The following SNX27 variants were observed in gnomAD, a reference collection of about 807,000 sequenced individuals.
SNX27 encodes the protein sorting nexin 27, also known as sorting nexin-27.
In SNX27, 22 loss-of-function variants were observed where a neutral mutation model predicts 71.6. The ratio of observed to expected loss-of-function variants is 0.31; its 90% CI spans 0.22 to 0.44. The LOEUF is 0.44. SNX27 is among the 20% of genes least tolerant of loss of function. SNX27 has a pLI of 1.00. For synonymous variants in SNX27, 269 were observed against 277.2 expected, an observed-to-expected ratio of 0.97 and a Z score of 0.29; for missense variants, 531 against 698.6, an observed-to-expected ratio of 0.76 and a Z score of 2.70.
intron 11 of SNX27, chr1:151,693,733 C>G: frequency 1.2e-5 from 19 of 1,587,090 alleles, no homozygotes; most frequent in Non-Finnish European, 1.5e-5. Context: ...ACAGGCTCTT[C>G]CATCTCTCAT....
chr1:151,683,918 C>T (rs1671077595), intron 8 of SNX27, among the ~76,000 whole-genome samples: 1 of 152,158 alleles, frequency 6.6e-6, no homozygotes, highest in East Asian at 1.9e-4. Flanking sequence ...CCACCTGCCT[C>T]GACCTCCCAA....
intron 2 of SNX27, among the ~76,000 whole-genome samples, chr1:151,641,770 T>C (rs1668768148): frequency 2.4e-5 from 2 of 83,308 alleles, no homozygotes; most frequent in Non-Finnish European, 6.0e-5. Flanking sequence ...ATATATGCTA[T>C]ATATATCTGA....
At chr1:151,613,773 G>A (rs565247878) in intron 1 of SNX27, among the ~76,000 whole-genome samples, 1 of 152,082 alleles carries the variant, frequency 6.6e-6, no homozygotes, top group Non-Finnish European at 1.5e-5. Flanking sequence ...AATTCGGATA[G>A]TGATTGCCGG....
rs1669793783 is a variant in SNX27 at position 151,658,368 on chromosome 1, C to T, written c.677C>T (p.Ser226Leu). Residue 226 changes from serine to leucine, a missense_variant, in exon 3 of 12, where the codon TCA becomes TTA. Around this residue, in one of 5 missense-constraint regions of SNX27, gnomAD observed 184 missense variants for 289.6 expected, o/e 0.64. Transcript: ENST00000458013. ...FPRLPGKWPF[S>L]LSEQQLDARR... ...CGACTCCCAGGGAAGTGGCCATTTT[C>T]ATTATCAGAACAACAATTAGATGCC... The T allele has an allele frequency of 6.2e-7, 1 of 1,613,994 alleles. No individual in the cohort carries two copies. The highest frequency in any genetic ancestry group is 1.3e-5 in the African/African-American group (1 of 74,898).
chr1:151,683,385 C>A lies in SNX27; in HGVS notation c.1179C>A (p.Ile393=). 6.2e-7 allele frequency: 1 copy of A among 1,613,662 alleles called. No individual in the cohort carries two copies. The highest frequency in any genetic ancestry group is 1.1e-5 in the South Asian group (1 of 90,968). ...TCGATGATGTGAAGAAAGGTTACAT[C>A]AAAGCAGAAGAAAAGTCCTATCAAT... is the stretch of plus-strand genomic sequence containing the variant. ...QAVDDVKKGY[I]KAEEKSYQLQ... The change falls in exon 8 of 12, where the codon ATC becomes ATA. Residue 393 remains isoleucine (I), a synonymous_variant. Transcript: ENST00000458013.
At chr1:151,663,287 A>G (rs1214783148) in intron 5 of SNX27, among the ~76,000 whole-genome samples, 2 of 151,562 alleles carry the variant, frequency 1.3e-5, no homozygotes, top group African/African-American at 4.9e-5. Context: ...AGCAGCTGGG[A>G]CTACAGGCGC....
intron 8 of SNX27, among the ~76,000 whole-genome samples, chr1:151,687,076 A>G (rs183138911): frequency 4.6e-5 from 7 of 152,306 alleles, no homozygotes; most frequent in Admixed American, 1.3e-4. Context: ...TCAAATTTGG[A>G]TGGTTGAGAA....
intron 1 of SNX27, among the ~76,000 whole-genome samples, chr1:151,620,750 C>T (rs1427777486): frequency 1.3e-5 from 2 of 148,802 alleles, no homozygotes; most frequent in Non-Finnish European, 3.0e-5. Flanking sequence ...AGAGCAGTGG[C>T]ACGATCTCGG....
intron 2 of SNX27, among the ~76,000 whole-genome samples, chr1:151,652,073 C>T (rs959451030): frequency 9.5e-4 from 144 of 151,306 alleles, no homozygotes; most frequent in African/African-American, 3.0e-3. Flanking sequence ...AGCCTGCAAT[C>T]GCAGGCACTC....
chr1:151,664,940 A>G (rs1001344354), intron 5 of SNX27, among the ~76,000 whole-genome samples: 1 of 152,190 alleles, frequency 6.6e-6, no homozygotes, highest in African/African-American at 2.4e-5. Context: ...TTTAATTTCT[A>G]TCCAGTGCAA....
chr1:151,612,101 G>GGCGC lies in SNX27; in HGVS notation c.-95_-92dup. ...AGTCGGTCCCGCGGCCGGCGGATCG[G>GGCGC]GCGCGCGCGTCGGGGGTCGTCCGGC... On this transcript the variant is annotated 5_prime_UTR_variant, in exon 1 of 12. Transcript: ENST00000458013. This position sits in a 1 kb window ranked among gnomAD's most constrained non-coding sequence, Gnocchi z 5.2. The GGCGC allele has an allele frequency of 3.3e-6, 4 of 1,214,064 alleles. No individual in the cohort carries two copies. In the East Asian group the frequency reaches 1.3e-4, roughly 39 times the overall value. The allele number at this position is 1,214,064 out of a possible 1,614,324, so 75.2% of individuals were successfully genotyped here.
At chr1:151,614,498 T>C (rs771647823) in intron 1 of SNX27, 12 of 152,204 alleles carry the variant, frequency 7.9e-5, no homozygotes, top group Non-Finnish European at 1.6e-4. Flanking sequence ...TAATTTTGTA[T>C]TTTTAGTAGA....
intron 2 of SNX27, among the ~76,000 whole-genome samples, chr1:151,652,296 T>G (rs1195169531): frequency 1.3e-5 from 2 of 152,038 alleles, no homozygotes; most frequent in East Asian, 3.9e-4. Context: ...ATTTTTCTCT[T>G]TAGATAATTT....
intron 7 of SNX27, among the ~76,000 whole-genome samples, chr1:151,683,042 AC>A (rs1367713001): frequency 1.3e-5 from 2 of 151,982 alleles, no homozygotes; most frequent in African/African-American, 4.8e-5. Context: ...CTCAAAACAA[AC>A]AAAAAAACCC....
At chr1:151,680,898 C>T (rs913861997) in intron 7 of SNX27, among the ~76,000 whole-genome samples, 1 of 152,140 alleles carries the variant, frequency 6.6e-6, no homozygotes, top group African/African-American at 2.4e-5. Flanking sequence ...GACATTGCAT[C>T]GTGGTTCTTC....
At chr1:151,637,562 T>A (rs192442385) in intron 1 of SNX27, among the ~76,000 whole-genome samples, 1 of 152,342 alleles carries the variant, frequency 6.6e-6, no homozygotes, top group Non-Finnish European at 1.5e-5. Context: ...TTTATTTTTT[T>A]CTATAGCTAG....
chr1:151,612,253 G>A lies in SNX27; in HGVS notation c.52G>A (p.Gly18Arg). 1 of 1,443,062 alleles carries A rather than the reference G, an allele frequency of 6.9e-7. No homozygotes were observed. Among genetic ancestry groups the A allele is most frequent in the Non-Finnish European group, 9.1e-7 (1 of 1,101,016 alleles). The allele number at this position is 1,443,062 out of a possible 1,614,324, so 89.4% of individuals were successfully genotyped here. A position where few individuals can be genotyped will look rare whatever the true frequency, so the allele number is the denominator to read the frequency against. Residue 18 changes from glycine (G) to arginine (R), a missense_variant, in exon 1 of 12, where the codon GGA becomes AGA. This residue lies in a region of SNX27 where 130 missense variants were observed against 143.5 expected (regional missense o/e 0.91). Coordinates refer to ENST00000458013, the MANE Select transcript of SNX27 (RefSeq NM_001330723.2). This position sits in a 1 kb window ranked among gnomAD's most constrained non-coding sequence, Gnocchi z 5.2. ...GIHPSAPHRN[G>R]GGGGGGGSGL... ...TCATCCCTCAGCCCCTCACAGGAAC[G>A]GAGGTGGCGGCGGCGGCGGGGGGTC... is the stretch of plus-strand genomic sequence containing the variant.
At chr1:151,646,008 T>C (rs1296576668) in intron 2 of SNX27, among the ~76,000 whole-genome samples, 1 of 152,226 alleles carries the variant, frequency 6.6e-6, no homozygotes, top group East Asian at 1.9e-4. Context: ...GGTTTTTCTT[T>C]ATTTATAATG....
chr1:151,638,236 T>C (rs772875193), intron 1 of SNX27, among the ~76,000 whole-genome samples: 1 of 152,240 alleles, frequency 6.6e-6, no homozygotes, highest in Non-Finnish European at 1.5e-5. Context: ...GGAAAAAAGT[T>C]GATGGAATCC....
Sources: gnomAD v4.1 joint callset for allele counts (sites outside exome capture counted in the v4.1 genomes callset) on GRCh38, gnomAD v4.1.1 for gene constraint, gnomAD v4.1.1 regional missense constraint, Gnocchi (gnomAD v3.1) non-coding constraint, MANE v1.5 for transcripts, NCBI Gene and HGNC (gene_info 2026-07-23, HGNC 2026-07-21) for gene names.